Variants in SGCG observed in about 807,000 individuals in gnomAD.
The protein encoded by SGCG is sarcoglycan gamma.
Under a neutral mutation model 29.3 loss-of-function variants are expected in SGCG, and 26 were observed. The ratio of observed to expected loss-of-function variants is 0.89; its 90% CI spans 0.65 to 1.23. The LOEUF is 1.23. Ranked by LOEUF, SGCG falls within the 50% of genes most tolerant of loss-of-function variation. SGCG has a pLI of 0.00. For synonymous variants in SGCG, 145 were observed against 129.7 expected, an observed-to-expected ratio of 1.12 and a Z score of -0.80; for missense variants, 353 against 356.0, an observed-to-expected ratio of 0.99 and a Z score of 0.07.
chr13:23,282,567 G>A (rs1208106458), intron 5 of SGCG, among the ~76,000 whole-genome samples: 1 of 152,108 alleles, frequency 6.6e-6, no homozygotes, highest in Non-Finnish European at 1.5e-5. Flanking sequence ...CCACTTATAG[G>A]TAAGAGCATG....
intron 2 of SGCG, among the ~76,000 whole-genome samples, chr13:23,231,458 A>C (rs1879108914): frequency 6.6e-6 from 1 of 152,186 alleles, no homozygotes; most frequent in Non-Finnish European, 1.5e-5. Flanking sequence ...TAGCTACCAC[A>C]GAAGCTAGGA....
chr13:23,274,030 G>C (rs983589098), intron 4 of SGCG, among the ~76,000 whole-genome samples: 3 of 152,138 alleles, frequency 2.0e-5, no homozygotes, highest in African/African-American at 7.2e-5. Flanking sequence ...CATAAAGGTG[G>C]TGTCTGTGAT....
intron 2 of SGCG, among the ~76,000 whole-genome samples, chr13:23,219,494 G>A (rs370799372): frequency 1.8e-4 from 28 of 151,940 alleles, no homozygotes; most frequent in Admixed American, 3.3e-4. Context: ...TTATAGCTGC[G>A]GTAGTATTAA....
At chr13:23,218,538 A>G (rs1593179208) in intron 2 of SGCG, among the ~76,000 whole-genome samples, 1 of 152,190 alleles carries the variant, frequency 6.6e-6, no homozygotes, top group Non-Finnish European at 1.5e-5. Flanking sequence ...GGTAGTAATG[A>G]TAAATATTAA....
In SGCG at chr13:23,263,213, AT is replaced by A. The variant is rs528079617; in HGVS notation, c.385+12502del. ...AAACAAAATCTGACTTTTTGAAAAT[AT>A]TTTTTAAAATCATTAGCTATATTAA... On this transcript the variant is annotated intron_variant, in intron 4 of 7. Transcript: ENST00000218867. Among the ~76,000 whole-genome samples the A allele has an allele frequency of 6.6e-3, 998 of 152,120 alleles. 6 individuals carry two copies. The highest frequency in any genetic ancestry group is 0.023 in the African/African-American group (954 of 41,550).
intron 2 of SGCG, among the ~76,000 whole-genome samples, chr13:23,205,247 A>T (rs1877941958): frequency 6.6e-6 from 1 of 152,220 alleles, no homozygotes; most frequent in South Asian, 2.1e-4. Flanking sequence ...AACTAACAGG[A>T]TGCATGTTTT....
intron 1 of SGCG, among the ~76,000 whole-genome samples, chr13:23,198,626 C>T (rs1164703368): frequency 6.6e-6 from 1 of 152,062 alleles, no homozygotes; most frequent in Non-Finnish European, 1.5e-5. Flanking sequence ...GTAGGCAGAT[C>T]ACGAGATCAG....
At chr13:23,220,393 T>A (rs1388552092) in intron 2 of SGCG, among the ~76,000 whole-genome samples, 1 of 152,128 alleles carries the variant, frequency 6.6e-6, no homozygotes, top group East Asian at 1.9e-4. Flanking sequence ...GAGGTTGCGA[T>A]GAGCCGAAAT....
intron 1 of SGCG, among the ~76,000 whole-genome samples, chr13:23,198,590 T>G (rs1291445302): frequency 2.0e-5 from 3 of 152,114 alleles, no homozygotes; most frequent in African/African-American, 7.2e-5. Flanking sequence ...CTCATACCTA[T>G]AATCCCAGCA....
At chr13:23,271,092 A>G (rs1880860096) in intron 4 of SGCG, among the ~76,000 whole-genome samples, 1 of 152,074 alleles carries the variant, frequency 6.6e-6, no homozygotes, top group Non-Finnish European at 1.5e-5. Context: ...CGCGCCCGTA[A>G]TCCCAGCTAT....
chr13:23,227,329 AC>A (rs1200329972), intron 2 of SGCG, among the ~76,000 whole-genome samples: 83 of 79,666 alleles, frequency 1.0e-3, no homozygotes, highest in Admixed American at 3.1e-3. Context: ...AAAAAAAAAA[AC>A]AAAAACCTGG....
At chr13:23,257,804 A>T (rs1880257504) in intron 4 of SGCG, among the ~76,000 whole-genome samples, 1 of 152,156 alleles carries the variant, frequency 6.6e-6, no homozygotes. Flanking sequence ...TAAATAGGGA[A>T]TCGTTTCCCC....
chr13:23,206,983 G>A (rs1259707151), intron 2 of SGCG, among the ~76,000 whole-genome samples: 1 of 152,096 alleles, frequency 6.6e-6, no homozygotes, highest in Non-Finnish European at 1.5e-5. Flanking sequence ...AATTCATGTG[G>A]AACCACAAAA....
chr13:23,257,760 C>T (rs919856534), intron 4 of SGCG, among the ~76,000 whole-genome samples: 2 of 152,184 alleles, frequency 1.3e-5, no homozygotes, highest in Non-Finnish European at 2.9e-5. Context: ...CAGCTTTCTA[C>T]ATATGGCTAG....
At chr13:23,189,944 T>A (rs5010610) in intron 1 of SGCG, among the ~76,000 whole-genome samples, 104,634 of 151,838 alleles carry the variant, frequency 0.69, 36,468 homozygotes, top group African/African-American at 0.74. Context: ...CTCAAAGGGT[T>A]GTGTCAAAGG....
At chr13:23,194,704 A>G (rs953539589) in intron 1 of SGCG, among the ~76,000 whole-genome samples, 2 of 152,166 alleles carry the variant, frequency 1.3e-5, no homozygotes, top group Non-Finnish European at 2.9e-5. Context: ...TGGATTGATG[A>G]CATACCCTGA....
intron 6 of SGCG, among the ~76,000 whole-genome samples, chr13:23,299,731 C>T (rs187169857): frequency 1.3e-5 from 2 of 152,016 alleles, no homozygotes; most frequent in East Asian, 1.9e-4. Flanking sequence ...GGATTACAGG[C>T]GTTAGCCACC....
At chr13:23,205,344 A>T (rs1877945087) in intron 2 of SGCG, among the ~76,000 whole-genome samples, 1 of 152,084 alleles carries the variant, frequency 6.6e-6, no homozygotes, top group Admixed American at 6.6e-5. Context: ...CTCAAATTAT[A>T]AACTATGGGA....
chr13:23,286,657 AGTAAGAGAT>A (rs1387485820), intron 5 of SGCG, among the ~76,000 whole-genome samples: 39 of 151,858 alleles, frequency 2.6e-4, no homozygotes, highest in African/African-American at 8.0e-4. Flanking sequence ...AATGAGACCC[AGTAAGAGAT>A]TAACAACAAT....
Sources: allele counts gnomAD v4.1 joint callset (sites outside exome capture counted in the v4.1 genomes callset), GRCh38; gene constraint gnomAD v4.1.1; transcripts MANE v1.5; gene names NCBI Gene and HGNC (gene_info 2026-07-23, HGNC 2026-07-21).